The following DIS3L2 variants were observed in gnomAD, a reference collection of about 807,000 sequenced individuals.
The protein encoded by DIS3L2 is DIS3 like 3'-5' exoribonuclease 2, also known as DIS3-like exonuclease 2.
Under a neutral mutation model 97.5 loss-of-function variants are expected in DIS3L2, and 34 were observed. The observed-to-expected ratio is 0.35, with a 90% CI of 0.27 to 0.46. The LOEUF (loss-of-function observed/expected upper bound fraction) is 0.46. Ranked by LOEUF, DIS3L2 falls within the 20% of genes least tolerant of loss-of-function variation. The pLI is 1.00. For missense variants in DIS3L2, 1,038 were observed against 1,146.0 expected (o/e 0.91, Z 1.36); for synonymous variants, 435 against 445.2 (o/e 0.98, Z 0.29).
intron 13 of DIS3L2, among the ~76,000 whole-genome samples, 156 bp from the exon 14 acceptor site, chr2:232,299,884 G>T (rs1007410722): frequency 6.6e-6 from 1 of 152,244 alleles, no homozygotes; most frequent in African/African-American, 2.4e-5. Flanking sequence ...TCCTTGTAAG[G>T]TGTGGGCTCT....
intron 9 of DIS3L2, among the ~76,000 whole-genome samples, chr2:232,175,330 A>G (rs974237453): frequency 2.0e-5 from 3 of 152,148 alleles, no homozygotes; most frequent in Admixed American, 6.5e-5. Context: ...ATTGACTATC[A>G]TATGTTGAGC....
chr2:232,144,905 C>A (rs1002863320), intron 8 of DIS3L2, among the ~76,000 whole-genome samples: 3 of 152,156 alleles, frequency 2.0e-5, no homozygotes, highest in Non-Finnish European at 4.4e-5. Flanking sequence ...GGGAAAGATA[C>A]CACAGAGGTG....
chr2:232,336,120 G>A (rs936281545), intron 20 of DIS3L2: 99 of 1,538,698 alleles, frequency 6.4e-5, no homozygotes, highest in Non-Finnish European at 8.1e-5. Context: ...TCCCGCTAAT[G>A]CAGGGGTGCT....
intron 5 of DIS3L2, among the ~76,000 whole-genome samples, chr2:232,072,786 GTGTGT>G (rs1696065109): frequency 8.4e-5 from 12 of 143,616 alleles, no homozygotes; most frequent in Non-Finnish European, 1.7e-4. Flanking sequence ...GATGTGGGGT[GTGTGT>G]GTGTGTGTGT....
At chr2:231,991,735 A>T (rs188509924) in intron 1 of DIS3L2, among the ~76,000 whole-genome samples, 110 of 152,338 alleles carry the variant, frequency 7.2e-4, no homozygotes, top group African/African-American at 2.6e-3. Context: ...AAGAACATTT[A>T]TTAGGTGTGT....
At chr2:232,054,542 A>G (rs1299193490) in intron 5 of DIS3L2, among the ~76,000 whole-genome samples, 1 of 152,212 alleles carries the variant, frequency 6.6e-6, no homozygotes, top group Admixed American at 6.5e-5. Flanking sequence ...CCAACCAGCC[A>G]TAGTATTATA....
At chr2:232,018,550 G>T (rs1694419566) in intron 3 of DIS3L2, among the ~76,000 whole-genome samples, 1 of 152,132 alleles carries the variant, frequency 6.6e-6, no homozygotes, top group South Asian at 2.1e-4. Context: ...TAAAAGGCCA[G>T]ACAAGAAAGG....
chr2:232,322,539 C>T (rs186925631), intron 14 of DIS3L2, among the ~76,000 whole-genome samples: 11 of 152,340 alleles, frequency 7.2e-5, no homozygotes, highest in African/African-American at 2.4e-4. Context: ...GACCACTCTA[C>T]GCTTGTTTCC....
chr2:232,251,345 A>G (rs1407592989), intron 12 of DIS3L2, among the ~76,000 whole-genome samples: 1 of 152,128 alleles, frequency 6.6e-6, no homozygotes, highest in Non-Finnish European at 1.5e-5. Context: ...ATTTGGAGGG[A>G]AAAAAAGAGC....
chr2:232,243,818 C>T (rs970438291), intron 11 of DIS3L2, among the ~76,000 whole-genome samples: 18 of 152,210 alleles, frequency 1.2e-4, no homozygotes, highest in East Asian at 3.8e-4. Flanking sequence ...GTCCTTCTCC[C>T]GCTTCCCTGT....
At chr2:232,251,395 A>C (rs956261780) in intron 12 of DIS3L2, among the ~76,000 whole-genome samples, 1 of 152,236 alleles carries the variant, frequency 6.6e-6, no homozygotes, top group Non-Finnish European at 1.5e-5. Flanking sequence ...TTAAAGATTC[A>C]AGATTCCTAC....
intron 8 of DIS3L2, among the ~76,000 whole-genome samples, chr2:232,161,681 G>A (rs531149482): frequency 4.9e-4 from 75 of 152,236 alleles, no homozygotes; most frequent in African/African-American, 1.5e-3. Flanking sequence ...ACGTTGGCCA[G>A]GCTGGTCTCA....
intron 4 of DIS3L2, among the ~76,000 whole-genome samples, chr2:232,029,580 C>T (rs1171204942): frequency 3.3e-5 from 5 of 151,912 alleles, no homozygotes; most frequent in Admixed American, 6.6e-5. Context: ...TATTACATCT[C>T]TTTCCTTCTC....
At chr2:232,042,645 A>G (rs1695141454) in intron 5 of DIS3L2, among the ~76,000 whole-genome samples, 1 of 152,194 alleles carries the variant, frequency 6.6e-6, no homozygotes, top group Non-Finnish European at 1.5e-5. Flanking sequence ...CAAATACTTC[A>G]GGTTCTTGCC....
chr2:231,997,421 T>A (rs1056789192), intron 1 of DIS3L2, among the ~76,000 whole-genome samples: 1 of 152,246 alleles, frequency 6.6e-6, no homozygotes, highest in Non-Finnish European at 1.5e-5. Flanking sequence ...TCATTTGAGA[T>A]CACTTTATTT....
In DIS3L2 at chr2:232,334,026, G is replaced by C. The variant is rs376753186; in HGVS notation, c.2158+39G>C. The C allele has an allele frequency of 1.8e-5, 29 of 1,577,590 alleles. No homozygotes were observed. In the African/African-American group the frequency reaches 2.7e-4, roughly 15 times the overall value. On this transcript the variant is annotated intron_variant, in intron 17 of 20. Coordinates refer to ENST00000325385, the MANE Select transcript of DIS3L2 (RefSeq NM_152383.5). Reference sequence around the variant, plus strand: ...TCGGGGTCAGGGCAGACCTGGGCCAGCTCAGGGCTGCCCACCCCCACAGTG... The same window carrying C: ...TCGGGGTCAGGGCAGACCTGGGCCACCTCAGGGCTGCCCACCCCCACAGTG...
chr2:232,132,768 A>G lies in DIS3L2; in HGVS notation c.702+2049A>G, dbSNP rs890311824. ...GACCTGCAGCTTCTCTTTCCCACCA[A>G]GAGACATCAGGTATCTGAGTGGCTC... On this transcript the variant is annotated intron_variant, in intron 7 of 20. Coordinates refer to ENST00000325385, the MANE Select transcript of DIS3L2 (RefSeq NM_152383.5). 5.3e-5 allele frequency among the ~76,000 whole-genome samples: 8 copies of G among 152,286 alleles called. No homozygotes were observed. The East Asian group carries it at 1.5e-3, about 29-fold the overall frequency.
intron 13 of DIS3L2, among the ~76,000 whole-genome samples, chr2:232,287,851 A>G (rs1269926983): frequency 6.6e-6 from 1 of 152,214 alleles, no homozygotes; most frequent in Non-Finnish European, 1.5e-5. Context: ...TCTTAGACTG[A>G]TATGTCATTC....
At chr2:232,282,810 C>T (rs1694328878) in intron 13 of DIS3L2, among the ~76,000 whole-genome samples, 1 of 152,200 alleles carries the variant, frequency 6.6e-6, no homozygotes, top group Non-Finnish European at 1.5e-5. Flanking sequence ...AAGCAGAGAG[C>T]ACTTGGCCAT....
Sources: gnomAD v4.1 joint callset for allele counts (sites outside exome capture counted in the v4.1 genomes callset) on GRCh38, gnomAD v4.1.1 for gene constraint, MANE v1.5 for transcripts, NCBI Gene and HGNC (gene_info 2026-07-23, HGNC 2026-07-21) for gene names.